The following SMG6 variants were observed in gnomAD, a reference collection of about 807,000 sequenced individuals.
SMG6 encodes the protein telomerase-binding protein EST1A.
A neutral mutation model predicts 142.2 loss-of-function variants in SMG6; 66 were observed. The ratio of observed to expected loss-of-function variants is 0.46; its 90% confidence interval spans 0.38 to 0.57. The LOEUF (loss-of-function observed/expected upper bound fraction) is 0.57. SMG6 is among the 20% of genes least tolerant of loss of function. The probability of loss-of-function intolerance (pLI) is 0.00; values close to 1 mark genes in which losing one functional copy is unlikely to be tolerated. For missense variants in SMG6, 1,793 were observed against 1,832.0 expected (o/e 0.98, Z 0.39); for synonymous variants, 779 against 702.4 (o/e 1.11, Z -1.72).
Position 2,074,089 on chromosome 17 carries a change from AAG to A in SMG6, c.3682-5160_3682-5159del, listed in dbSNP as rs200986330. Among the ~76,000 whole-genome samples the A allele has an allele frequency of 3.8e-3, 580 of 151,960 alleles. 4 individuals are homozygous for A. The highest frequency in any genetic ancestry group is 5.4e-3 in the Non-Finnish European group (368 of 67,930). ...TAAGAGCAAAACTCCATCTCAAAAA[AAG>A]AGAGAGAGAGAGTCTAACTCTGTCA... On this transcript the variant is annotated intron_variant, in intron 15 of 18. Coordinates refer to ENST00000263073, the MANE Select transcript of SMG6 (RefSeq NM_017575.5).
At chr17:2,140,621 G>A (rs944150166) in intron 13 of SMG6, among the ~76,000 whole-genome samples, 3 of 148,950 alleles carry the variant, frequency 2.0e-5, no homozygotes. Context: ...GCAGTGAGCC[G>A]AGATTGCACC....
intron 8 of SMG6, among the ~76,000 whole-genome samples, chr17:2,265,250 T>C (rs896051945): frequency 3.9e-5 from 6 of 152,166 alleles, no homozygotes; most frequent in Non-Finnish European, 5.9e-5. Context: ...CCGGGCACAG[T>C]GGCTCAAGCC....
At chr17:2,197,661 CAAA>C (rs1047062635) in intron 10 of SMG6, among the ~76,000 whole-genome samples, 1 of 147,488 alleles carries the variant, frequency 6.8e-6, no homozygotes, top group African/African-American at 2.5e-5. Context: ...AGAAAATGGG[CAAA>C]AAAAAAGACA....
intron 13 of SMG6, among the ~76,000 whole-genome samples, chr17:2,133,349 G>C (rs1415679285): frequency 1.3e-5 from 2 of 152,168 alleles, no homozygotes; most frequent in Admixed American, 6.5e-5. Context: ...ATCTGGGAGA[G>C]AGAGAACTTA....
intron 15 of SMG6, among the ~76,000 whole-genome samples, chr17:2,079,267 T>C (rs1018420181): frequency 6.6e-6 from 1 of 152,190 alleles, no homozygotes. Context: ...CCTGGCCATA[T>C]TGGTGACTTT....
intron 10 of SMG6, among the ~76,000 whole-genome samples, chr17:2,209,709 C>T (rs1250563858): frequency 2.0e-5 from 3 of 152,080 alleles, no homozygotes; most frequent in South Asian, 4.1e-4. Context: ...CCATGTTGGC[C>T]AGCCTGGTCT....
intron 13 of SMG6, chr17:2,128,027 A>T (rs2069959020): frequency 4.5e-6 from 2 of 440,760 alleles, no homozygotes; most frequent in Admixed American, 5.7e-5. Flanking sequence ...CTACTCCCAG[A>T]AGAGCTGAAA....
At chr17:2,069,371 T>TAAAAC (rs904327324) in intron 15 of SMG6, among the ~76,000 whole-genome samples, 6 of 145,034 alleles carry the variant, frequency 4.1e-5, no homozygotes, top group East Asian at 2.0e-4. Flanking sequence ...ACTGTGTAGC[T>TAAAAC]AAAACAAAAC....
chr17:2,110,327 C>T (rs2069276840), intron 13 of SMG6, among the ~76,000 whole-genome samples: 1 of 152,094 alleles, frequency 6.6e-6, no homozygotes, highest in Non-Finnish European at 1.5e-5. Flanking sequence ...ACAAAACCTT[C>T]CCACCTTTGA....
intron 15 of SMG6, among the ~76,000 whole-genome samples, chr17:2,077,356 G>C (rs1358532123): frequency 6.6e-6 from 1 of 152,226 alleles, no homozygotes; most frequent in African/African-American, 2.4e-5. Context: ...GCTAAGCAGA[G>C]GCAGACGGAT....
Position 2,188,532 on chromosome 17 carries a change from G to T in SMG6, c.2870-17C>A, listed in dbSNP as rs940346741. On this transcript the variant is annotated splice_polypyrimidine_tract_variant and intron_variant, in intron 10 of 18. Transcript: ENST00000263073. ...AGAAGCAGTCTGCGGACAGGCAAATGAAACTCTCAGCGCCCCAGGCGGACA... is the reference window on the plus strand; with the variant it reads ...AGAAGCAGTCTGCGGACAGGCAAATTAAACTCTCAGCGCCCCAGGCGGACA... 4.4e-6 allele frequency: 7 copies of T among 1,607,700 alleles called. No individual in the cohort carries two copies. The highest frequency in any genetic ancestry group is 6.0e-6 in the Non-Finnish European group (7 of 1,175,346).
chr17:2,141,853 G>A (rs1282029116), intron 13 of SMG6, among the ~76,000 whole-genome samples: 1 of 152,166 alleles, frequency 6.6e-6, no homozygotes, highest in Non-Finnish European at 1.5e-5. Context: ...TTAGATAAGA[G>A]ACTGGCCCTG....
intron 16 of SMG6, among the ~76,000 whole-genome samples, chr17:2,066,810 G>C (rs1235182609): frequency 6.6e-6 from 1 of 152,158 alleles, no homozygotes; most frequent in Admixed American, 6.5e-5. Flanking sequence ...CAGGAAAAAC[G>C]GGTATTCTAT....
intron 11 of SMG6, among the ~76,000 whole-genome samples, chr17:2,188,140 G>A (rs2151691704): frequency 6.6e-6 from 1 of 152,246 alleles, no homozygotes; most frequent in South Asian, 2.1e-4. Flanking sequence ...CAGCTCATAG[G>A]TACAGTGAAA....
intron 8 of SMG6, among the ~76,000 whole-genome samples, chr17:2,273,457 G>A (rs1448337737): frequency 6.6e-6 from 1 of 152,134 alleles, no homozygotes; most frequent in African/African-American, 2.4e-5. Context: ...TCAGGAGATT[G>A]AGGCCAGCCT....
At chr17:2,265,276 T>C (rs1597740135) in intron 8 of SMG6, among the ~76,000 whole-genome samples, 1 of 152,040 alleles carries the variant, frequency 6.6e-6, no homozygotes, top group East Asian at 1.9e-4. Context: ...TCCCAGCACT[T>C]TGGGAGGCTG....
At chr17:2,210,652 C>G (rs1045050072) in intron 10 of SMG6, among the ~76,000 whole-genome samples, 1 of 149,626 alleles carries the variant, frequency 6.7e-6, no homozygotes, top group Admixed American at 6.7e-5. Flanking sequence ...GGATGCTGCA[C>G]GAGAAAGAGG....
chr17:2,077,079 G>A (rs1303605899), intron 15 of SMG6, among the ~76,000 whole-genome samples: 5 of 152,206 alleles, frequency 3.3e-5, no homozygotes, highest in African/African-American at 9.7e-5. Flanking sequence ...CTGGACTTGC[G>A]TTTTGTACGG....
chr17:2,113,172 C>A (rs1004505167), intron 13 of SMG6, among the ~76,000 whole-genome samples: 1 of 152,124 alleles, frequency 6.6e-6, no homozygotes, highest in Admixed American at 6.6e-5. Context: ...CTCCAGTGAT[C>A]CTCCCCGCGA....
Sources: gnomAD v4.1 joint callset for allele counts (sites outside exome capture counted in the v4.1 genomes callset) on GRCh38, gnomAD v4.1.1 for gene constraint, MANE v1.5 for transcripts, NCBI Gene and HGNC (gene_info 2026-07-23, HGNC 2026-07-21) for gene names.